The following EFCAB6 variants were observed in gnomAD, a reference collection of about 807,000 sequenced individuals.
EFCAB6 encodes the protein EF-hand calcium binding domain 6.
In EFCAB6, 156 loss-of-function variants were observed where a neutral mutation model predicts 169.8. The ratio of observed to expected loss-of-function variants is 0.92; its 90% confidence interval spans 0.81 to 1.05. The LOEUF is 1.05. Among genes scored for constraint, EFCAB6 ranks in the 50% least tolerant of loss-of-function variants. The pLI is 0.00. For synonymous variants in EFCAB6, 698 were observed against 676.4 expected (o/e 1.03, Z -0.50); for missense variants, 1,800 against 1,829.1 (o/e 0.98, Z 0.29).
chr22:43,613,778 A>C (rs2053493912), intron 21 of EFCAB6, among the ~76,000 whole-genome samples: 1 of 152,124 alleles, frequency 6.6e-6, no homozygotes, highest in Non-Finnish European at 1.5e-5. Context: ...GTTAAAGAAA[A>C]CTACAATACC....
At chr22:43,580,307 G>C (rs781250832) in intron 25 of EFCAB6, among the ~76,000 whole-genome samples, 157 bp downstream of exon 25, 1 of 152,144 alleles carries the variant, frequency 6.6e-6, no homozygotes, top group Non-Finnish European at 1.5e-5. Flanking sequence ...GGGTGGAAGA[G>C]TGGATACACA....
chr22:43,547,405 T>C (rs1026419242), intron 27 of EFCAB6, among the ~76,000 whole-genome samples: 2 of 152,162 alleles, frequency 1.3e-5, no homozygotes, highest in Admixed American at 6.6e-5. Context: ...GAAATAGATA[T>C]ATAATTTCCA....
At chr22:43,659,987 G>A (rs1348568777) in intron 17 of EFCAB6, among the ~76,000 whole-genome samples, 1 of 152,170 alleles carries the variant, frequency 6.6e-6, no homozygotes, top group Admixed American at 6.5e-5. Context: ...CAGGGGCCCT[G>A]AGCAAGCTTG....
chr22:43,568,714 G>T (rs1322792951), intron 26 of EFCAB6, among the ~76,000 whole-genome samples: 1 of 152,148 alleles, frequency 6.6e-6, no homozygotes, highest in African/African-American at 2.4e-5. Flanking sequence ...TCCTGCCATG[G>T]GGTGTGCTGC....
intron 17 of EFCAB6, among the ~76,000 whole-genome samples, chr22:43,650,017 A>G (rs1382016444): frequency 2.0e-5 from 3 of 152,240 alleles, no homozygotes; most frequent in East Asian, 3.8e-4. Context: ...TTTTCCTCCC[A>G]AAGTATTTGG....
At chr22:43,761,486 G>A (rs556394421) in intron 5 of EFCAB6, among the ~76,000 whole-genome samples, 3 of 151,732 alleles carry the variant, frequency 2.0e-5, no homozygotes, top group African/African-American at 4.8e-5. Context: ...CCCATCCACT[G>A]TATTTTAGAT....
rs965915387 is a variant in EFCAB6, at chr22:43,795,992, C to T, written c.-8+13003G>A. Among the ~76,000 whole-genome samples, 35 of 148,900 alleles carry T rather than the reference C, an allele frequency of 2.4e-4. No homozygotes were observed. Among genetic ancestry groups the T allele is most frequent in the Non-Finnish European group, 1.3e-4 (9 of 67,080 alleles). On this transcript the variant is annotated intron_variant, in intron 2 of 31. Transcript: ENST00000262726. The surrounding 1 kb of genome is among the most constrained non-coding windows in gnomAD (Gnocchi z 4.2). ...AAACACACACACCACACACAACTCA[C>T]CCCCCACAGAAACACACACACCACA...
At chr22:43,789,086 A>C (rs1188031558) in intron 2 of EFCAB6, among the ~76,000 whole-genome samples, 3 of 152,198 alleles carry the variant, frequency 2.0e-5, no homozygotes, top group African/African-American at 7.2e-5. Context: ...GCTAAAAAAA[A>C]GAAAATAGAT....
At chr22:43,801,082 G>GA (rs1010957632) in intron 2 of EFCAB6, among the ~76,000 whole-genome samples, 4 of 151,270 alleles carry the variant, frequency 2.6e-5, no homozygotes, top group Admixed American at 6.6e-5. Context: ...ACGGCAAGAG[G>GA]AAAAAAAACA....
rs954576445 is a variant in EFCAB6, at chr22:43,612,955, C to T, written c.2562+2871G>A. ...CTGTAAAGTTGCAGAGAAAAGGGAACGCTTATATACTGTTGGTGGGAGTGT... is the reference window on the plus strand; with the variant it reads ...CTGTAAAGTTGCAGAGAAAAGGGAATGCTTATATACTGTTGGTGGGAGTGT... On this transcript the variant is annotated intron_variant, in intron 21 of 31. Transcript: ENST00000262726. Among the ~76,000 whole-genome samples, 8 of 147,532 alleles carry T rather than the reference C, an allele frequency of 5.4e-5. No individual in the cohort carries two copies. In the South Asian group the frequency reaches 1.1e-3, roughly 20 times the overall value.
chr22:43,718,215 A>T (rs2059402103), intron 8 of EFCAB6, among the ~76,000 whole-genome samples: 1 of 152,234 alleles, frequency 6.6e-6, no homozygotes, highest in African/African-American at 2.4e-5. Flanking sequence ...TGAAACAAGC[A>T]TGTATTATTT....
intron 22 of EFCAB6, 139 bp downstream of exon 22, chr22:43,608,340 CAGG>C: frequency 1.4e-6 from 1 of 691,462 alleles, no homozygotes; most frequent in Non-Finnish European, 2.4e-6. Flanking sequence ...AGGAAAGACA[CAGG>C]AGATGAGACA....
chr22:43,634,426 T>C (rs2055221592), intron 18 of EFCAB6, among the ~76,000 whole-genome samples: 1 of 152,016 alleles, frequency 6.6e-6, no homozygotes. Context: ...CACACGGTCA[T>C]CTCCAGACCC....
chr22:43,621,494 T>A (rs2054112997), intron 20 of EFCAB6, among the ~76,000 whole-genome samples: 1 of 152,044 alleles, frequency 6.6e-6, no homozygotes, highest in African/African-American at 2.4e-5. Context: ...AGAAAATAAT[T>A]TGAAAATGAA....
intron 21 of EFCAB6, among the ~76,000 whole-genome samples, chr22:43,609,769 G>A (rs527888900): frequency 6.6e-6 from 1 of 152,314 alleles, no homozygotes; most frequent in South Asian, 2.1e-4. Flanking sequence ...TGAAGAACAA[G>A]GTAGAGGGAG....
intron 17 of EFCAB6, among the ~76,000 whole-genome samples, chr22:43,641,573 G>A (rs1302488946): frequency 6.8e-6 from 1 of 146,798 alleles, no homozygotes; most frequent in Non-Finnish European, 1.5e-5. Flanking sequence ...CTGACATTGC[G>A]CCTTTACACT....
At chr22:43,732,563 T>A (rs1448826790) in intron 7 of EFCAB6, among the ~76,000 whole-genome samples, 2 of 150,414 alleles carry the variant, frequency 1.3e-5, no homozygotes, top group African/African-American at 4.9e-5. Context: ...CACCTCCCAG[T>A]TCAAGCGATT....
chr22:43,780,486 C>CTAAA (rs2061786827), intron 3 of EFCAB6, among the ~76,000 whole-genome samples: 1 of 49,024 alleles, frequency 2.0e-5, no homozygotes, highest in Non-Finnish European at 3.6e-5. Flanking sequence ...GACTCTGTCT[C>CTAAA]AAAAAAAAAA....
chr22:43,779,020 T>C (rs922390013), intron 3 of EFCAB6, among the ~76,000 whole-genome samples: 2 of 151,878 alleles, frequency 1.3e-5, no homozygotes, highest in African/African-American at 4.8e-5. Context: ...AAACTGAGAA[T>C]GGGAAATATG....
Sources: gnomAD v4.1 joint callset for allele counts (sites outside exome capture counted in the v4.1 genomes callset) on GRCh38, gnomAD v4.1.1 for gene constraint, Gnocchi (gnomAD v3.1) non-coding constraint, MANE v1.5 for transcripts, NCBI Gene and HGNC (gene_info 2026-07-23, HGNC 2026-07-21) for gene names.